KCNH2: variants seen among roughly 807,000 people sequenced by gnomAD.
KCNH2 encodes voltage-gated inwardly rectifying potassium channel KCNH2.
Under a neutral mutation model 95.9 loss-of-function variants are expected in KCNH2, and 35 were observed. The observed-to-expected ratio is 0.37, with a 90% CI of 0.28 to 0.48. The LOEUF is 0.48. Ranked by LOEUF, KCNH2 falls within the 20% of genes least tolerant of loss-of-function variation. The probability of loss-of-function intolerance (pLI) is 0.99; values close to 1 mark genes in which losing one functional copy is unlikely to be tolerated. For missense variants in KCNH2, 1,274 were observed against 1,702.9 expected (o/e 0.75, Z 4.43); for synonymous variants, 786 against 754.7 (o/e 1.04, Z -0.68).
chr7:150,958,987 T>G (rs1306529626), intron 3 of KCNH2, among the ~76,000 whole-genome samples: 1 of 152,188 alleles, frequency 6.6e-6, no homozygotes, highest in East Asian at 1.9e-4. Flanking sequence ...GTCATGATGC[T>G]GAGGGAAAGA....
At chr7:150,964,019 C>A (rs1447846818) in intron 2 of KCNH2, among the ~76,000 whole-genome samples, 2 of 152,242 alleles carry the variant, frequency 1.3e-5, no homozygotes, top group Non-Finnish European at 2.9e-5. Context: ...CCCAGCATCC[C>A]AACCCATCCG....
rs540876324 is a variant in KCNH2, at chr7:150,949,729, G to C, written c.2398+439C>G. 249 of 1,186,744 alleles carry C rather than the reference G, an allele frequency of 2.1e-4. 2 individuals are homozygous for C. The South Asian group carries it at 4.0e-3, about 19-fold the overall frequency. 73.5% of individuals were successfully genotyped at this position (1,186,744 alleles called of 1,614,324 possible). On this transcript the variant is annotated intron_variant, in intron 9 of 14. Transcript: ENST00000262186. ...CCAACCCACCCACTGTGCACAGGCA[G>C]GGTAGAAAGGAAGTGGGGGGAGGGG...
rs1334009541 is a variant in KCNH2 at position 150,962,876 on chromosome 7, T to C, written c.308-3140A>G. 6.6e-6 allele frequency among the ~76,000 whole-genome samples: 1 copy of C among 152,164 alleles called. No individual in the cohort carries two copies. The highest frequency in any genetic ancestry group is 1.5e-5 in the Non-Finnish European group (1 of 68,020). On this transcript the variant is annotated intron_variant, in intron 2 of 14. Coordinates refer to ENST00000262186, the MANE Select transcript of KCNH2 (RefSeq NM_000238.4). This position sits in a 1 kb window ranked among gnomAD's most constrained non-coding sequence, Gnocchi z 5.7. ...TCAGAGGCACTGCCTGCAACCACCC[T>C]GCCGCGTCGGCTGGGGCTTCGGTGA...
chr7:150,964,328 A>C (rs908519371), intron 2 of KCNH2, among the ~76,000 whole-genome samples: 6 of 152,162 alleles, frequency 3.9e-5, no homozygotes, highest in African/African-American at 1.4e-4. Flanking sequence ...ACCGTGACCA[A>C]CAAGACACGC....
chr7:150,953,411 G>A (rs1801257577), intron 5 of KCNH2, among the ~76,000 whole-genome samples: 2 of 152,022 alleles, frequency 1.3e-5, no homozygotes, highest in Non-Finnish European at 2.9e-5. Context: ...CGCACACCTC[G>A]CTCCCTCAGC....
At chr7:150,954,653 T>C (rs1452564975) in intron 5 of KCNH2, among the ~76,000 whole-genome samples, 1 of 152,178 alleles carries the variant, frequency 6.6e-6, no homozygotes, top group East Asian at 1.9e-4. Context: ...GTCCCCCAGC[T>C]GGAAAGAGTG....
At chr7:150,953,401 C>T (rs763587427) in intron 5 of KCNH2, among the ~76,000 whole-genome samples, 1 of 152,182 alleles carries the variant, frequency 6.6e-6, no homozygotes, top group Non-Finnish European at 1.5e-5. Context: ...ACCCTCCACT[C>T]GCACACCTCG....
In KCNH2 at chr7:150,977,820, G is replaced by A. The variant is rs749396597; in HGVS notation, c.76+18C>T. The A allele has an allele frequency of 3.6e-5, 19 of 534,380 alleles. No homozygotes were observed. The highest frequency in any genetic ancestry group is 5.1e-5 in the Non-Finnish European group (17 of 330,476). The allele number at this position is 534,380 out of a possible 1,614,324, so 33.1% of individuals were successfully genotyped here. On this transcript the variant is annotated intron_variant, in intron 1 of 14. Coordinates refer to ENST00000262186, the MANE Select transcript of KCNH2 (RefSeq NM_000238.4). ...GCCCCCAGAGCCCCCTCCCCGCTCAGCCCCCTCCCCCACTCACTCTGGCCC... is the reference window on the plus strand; with the variant it reads ...GCCCCCAGAGCCCCCTCCCCGCTCAACCCCCTCCCCCACTCACTCTGGCCC...
intron 9 of KCNH2, chr7:150,949,420 T>C (rs543385072): frequency 1.9e-6 from 2 of 1,050,666 alleles, no homozygotes; most frequent in African/African-American, 1.7e-5. Context: ...TTTTTTTTTT[T>C]TTTTTTTTTT....
At chr7:150,966,030 A>T (rs994144306) in intron 2 of KCNH2, among the ~76,000 whole-genome samples, 1 of 152,246 alleles carries the variant, frequency 6.6e-6, no homozygotes, top group Non-Finnish European at 1.5e-5. Context: ...ATCAGTTTTC[A>T]TGGAACACAG....
intron 7 of KCNH2, 65 bp downstream of exon 7, chr7:150,951,383 G>C (rs1801150608): frequency 1.3e-6 from 2 of 1,599,194 alleles, no homozygotes; most frequent in African/African-American, 2.7e-5. Context: ...AGCAGCCTCA[G>C]TTTCCTCCAA....
rs1048355813 is a variant in KCNH2 at position 150,962,063 on chromosome 7, C to G, written c.308-2327G>C. On this transcript the variant is annotated intron_variant, in intron 2 of 14. Transcript: ENST00000262186. The surrounding 1 kb of genome is among the most constrained non-coding windows in gnomAD (Gnocchi z 5.7). ...CTCTGTCTGGGTCTCCCTGCAGCAGCCACTCTTGTCCCCTGACCTCTGGCC... is the reference window on the plus strand; with the variant it reads ...CTCTGTCTGGGTCTCCCTGCAGCAGGCACTCTTGTCCCCTGACCTCTGGCC... Among the ~76,000 whole-genome samples the G allele has an allele frequency of 6.6e-6, 1 of 152,198 alleles. No individual in the cohort carries two copies. Among genetic ancestry groups the G allele is most frequent in the Admixed American group, 6.5e-5 (1 of 15,286 alleles).
chr7:150,953,329 T>TC lies in KCNH2; in HGVS notation c.1129-477dup, dbSNP rs553213828. ...AGTCACTGCAGTTCTTACCAGCCCC[T>TC]CTTCATGCCACAGGCCCGAGGACAC... On this transcript the variant is annotated intron_variant, in intron 5 of 14. Coordinates refer to ENST00000262186, the MANE Select transcript of KCNH2 (RefSeq NM_000238.4). Among the ~76,000 whole-genome samples, 15 of 152,134 alleles carry TC rather than the reference T, an allele frequency of 9.9e-5. No individual in the cohort carries two copies. The South Asian group carries it at 3.1e-3, about 32-fold the overall frequency.
chr7:150,946,729 C>CTT lies in KCNH2; in HGVS notation c.3330+147_3330+148insAA. On this transcript the variant is annotated intron_variant, in intron 14 of 14. Transcript: ENST00000262186. This position sits in a 1 kb window ranked among gnomAD's most constrained non-coding sequence, Gnocchi z 6.5. Reference sequence around the variant, plus strand: ...CTGCAGCTCCTGAAGCAGCCTTCCTCCAGGAGGACAGGGGTGGGAGGAGGG... The same window carrying CTT: ...CTGCAGCTCCTGAAGCAGCCTTCCTCTTCAGGAGGACAGGGGTGGGAGGAGGG... 1 of 734,008 alleles carries CTT rather than the reference C, an allele frequency of 1.4e-6. No homozygotes were observed. The highest frequency in any genetic ancestry group is 2.7e-5 in the Admixed American group (1 of 36,852). The allele number at this position is 734,008 out of a possible 1,614,324, so 45.5% of individuals were successfully genotyped here.
chr7:150,975,071 G>A lies in KCNH2; in HGVS notation c.77-130C>T, dbSNP rs566068538. 4 of 686,540 alleles carry A rather than the reference G, an allele frequency of 5.8e-6. No individual in the cohort carries two copies. The African/African-American group carries it at 1.8e-4, about 30-fold the overall frequency. The allele number at this position is 686,540 out of a possible 1,614,324, so 42.5% of individuals were successfully genotyped here. A position where few individuals can be genotyped will look rare whatever the true frequency, so the allele number is the denominator to read the frequency against. On this transcript the variant is annotated intron_variant, in intron 1 of 14. Coordinates refer to ENST00000262186, the MANE Select transcript of KCNH2 (RefSeq NM_000238.4). The stretch of plus-strand genomic sequence containing the variant: ...GCCACAGGAAGCATGGCTGGGACTG[G>A]GGTCCCAGCAGGGGGCGAACGCAGC...
rs774258761 is a variant in KCNH2, at chr7:150,951,086, C to T, written c.1980G>A (p.Ser660=). ...LMYASIFGNV[S]AIIQRLYSGT... is the part of the protein sequence containing the mutation. Reference sequence around the variant, plus strand: ...CCGAGTACAGCCGCTGGATGATGGCCGACACGTTGCCGAAGATGCTAGCAT... The same window carrying T: ...CCGAGTACAGCCGCTGGATGATGGCTGACACGTTGCCGAAGATGCTAGCAT... The change falls in exon 8 of 15, where the codon TCG becomes TCA. Residue 660 remains serine, a synonymous_variant. Transcript: ENST00000262186. 2.4e-5 allele frequency: 38 copies of T among 1,612,556 alleles called. No individual in the cohort carries two copies. In the Middle Eastern group the frequency reaches 4.9e-4, roughly 21 times the overall value.
intron 2 of KCNH2, among the ~76,000 whole-genome samples, chr7:150,974,191 A>G (rs1801909653): frequency 6.6e-6 from 1 of 152,048 alleles, no homozygotes; most frequent in Non-Finnish European, 1.5e-5. Context: ...GGTGCTGCTG[A>G]AGCGCAGGGC....
chr7:150,963,737 C>T (rs937602370), intron 2 of KCNH2, among the ~76,000 whole-genome samples: 5 of 152,208 alleles, frequency 3.3e-5, no homozygotes, highest in Non-Finnish European at 7.3e-5. Context: ...CATCCCTGCA[C>T]AGGCTCCATG....
intron 1 of KCNH2, among the ~76,000 whole-genome samples, chr7:150,975,370 T>C (rs1801956691): frequency 6.6e-6 from 1 of 152,198 alleles, no homozygotes; most frequent in African/African-American, 2.4e-5. Context: ...CTCTGGATTC[T>C]GCTTTTAATT....
Sources: allele counts gnomAD v4.1 joint callset (sites outside exome capture counted in the v4.1 genomes callset), GRCh38; gene constraint gnomAD v4.1.1; non-coding constraint Gnocchi (gnomAD v3.1); transcripts MANE v1.5; gene names NCBI Gene and HGNC (gene_info 2026-07-23, HGNC 2026-07-21).